TSPEAR: variants seen among roughly 807,000 people sequenced by gnomAD.
The protein encoded by TSPEAR is thrombospondin type laminin G domain and EAR repeats.
A neutral mutation model predicts 71.6 loss-of-function variants in TSPEAR; 69 were observed. That is an observed-to-expected ratio of 0.96 (90% CI 0.79 to 1.18). The LOEUF (loss-of-function observed/expected upper bound fraction) is 1.18. TSPEAR is among the 50% of genes most tolerant of loss of function. The probability of loss-of-function intolerance (pLI) is 0.00; values close to 1 mark genes in which losing one functional copy is unlikely to be tolerated. For missense variants in TSPEAR, 971 were observed against 894.9 expected, an observed-to-expected ratio of 1.09 and a Z score of -1.09; for synonymous variants, 402 against 387.2, an observed-to-expected ratio of 1.04 and a Z score of -0.45.
rs1026357609 is a variant in TSPEAR, at chr21:44,661,857, C to T, written c.82+49576G>A. Among the ~76,000 whole-genome samples, 5 of 152,170 alleles carry T rather than the reference C, an allele frequency of 3.3e-5. No individual in the cohort carries two copies. The East Asian group carries it at 9.7e-4, about 29-fold the overall frequency. ...CGCAAGGACAGCACCAAGGGGATGA[C>T]GCTTAACCATTCATGAGAAATCCAC... On this transcript the variant is annotated intron_variant, in intron 1 of 11. Transcript: ENST00000323084.
At chr21:44,643,867 T>C (rs1984155337) in intron 1 of TSPEAR, among the ~76,000 whole-genome samples, 1 of 152,232 alleles carries the variant, frequency 6.6e-6, no homozygotes, top group South Asian at 2.1e-4. Context: ...CGGGAAGCAT[T>C]TCTGTTAACT....
chr21:44,547,912 C>A (rs984542052), intron 2 of TSPEAR, among the ~76,000 whole-genome samples: 1 of 152,228 alleles, frequency 6.6e-6, no homozygotes. Flanking sequence ...GGTGCCCCAT[C>A]ATGGGCATGC....
At chr21:44,698,697 A>G (rs1987505404) in intron 1 of TSPEAR, among the ~76,000 whole-genome samples, 1 of 152,200 alleles carries the variant, frequency 6.6e-6, no homozygotes, top group Non-Finnish European at 1.5e-5. Flanking sequence ...CAGTCCTCAC[A>G]GGGAGATTCA....
At chr21:44,594,822 ATT>A (rs34221889) in intron 1 of TSPEAR, among the ~76,000 whole-genome samples, 20 of 125,484 alleles carry the variant, frequency 1.6e-4, no homozygotes, top group African/African-American at 4.1e-4. Flanking sequence ...CGGATCTGTG[ATT>A]TTTTTTTTTT....
chr21:44,525,864 C>T (rs781947064), intron 7 of TSPEAR, 25 bp from the exon 8 acceptor site: 42 of 1,612,752 alleles, frequency 2.6e-5, no homozygotes, highest in East Asian at 2.0e-4. Context: ...ACCGGGACCA[C>T]GTGGTTCTGC....
rs549960063 is a variant in TSPEAR, at chr21:44,686,126, G to A, written c.82+25307C>T. Among the ~76,000 whole-genome samples the A allele has an allele frequency of 2.6e-5, 4 of 152,200 alleles. No homozygotes were observed. The South Asian group carries it at 8.3e-4, about 32-fold the overall frequency. Reference sequence around the variant, plus strand: ...AGCTCCAGATGGCATTTGCAACAGGGGGACCTTGAACATCCATGAGGTGGA... The same window carrying A: ...AGCTCCAGATGGCATTTGCAACAGGAGGACCTTGAACATCCATGAGGTGGA... On this transcript the variant is annotated intron_variant, in intron 1 of 11. Coordinates refer to ENST00000323084, the MANE Select transcript of TSPEAR (RefSeq NM_144991.3).
At position 44,711,455 on chromosome 21, in the gene TSPEAR, C is replaced by A. The variant is rs373680904; in HGVS notation, c.60G>T (p.Thr20=). ...VLPLAAPGHG[T]QGWEPCTDLR... Reference sequence around the variant, plus strand: ...TACCTGTGCAGGGCTCCCAACCCTGCGTGCCGTGGCCGGGGGCCGCCAGGG... The same window carrying A: ...TACCTGTGCAGGGCTCCCAACCCTGAGTGCCGTGGCCGGGGGCCGCCAGGG... The change falls in exon 1 of 12, where the codon ACG becomes ACT. Residue 20 remains threonine, a synonymous_variant. Coordinates refer to ENST00000323084, the MANE Select transcript of TSPEAR (RefSeq NM_144991.3). This position sits in a 1 kb window ranked among gnomAD's most constrained non-coding sequence, Gnocchi z 4.5. 24 of 1,609,772 alleles carry A rather than the reference C, an allele frequency of 1.5e-5. No homozygotes were observed. The highest frequency in any genetic ancestry group is 1.9e-5 in the Non-Finnish European group (22 of 1,178,552).
intron 1 of TSPEAR, chr21:44,657,936 C>A (rs114984685): frequency 2.0e-5 from 31 of 1,584,354 alleles, no homozygotes; most frequent in South Asian, 1.3e-4. Flanking sequence ...AGCTTCCAGA[C>A]ATCACCATCC....
chr21:44,574,377 T>C, intron 1 of TSPEAR: 3 of 1,612,184 alleles, frequency 1.9e-6, no homozygotes, highest in Non-Finnish European at 2.5e-6. Flanking sequence ...CTGCACGCCC[T>C]CGTGCTGCCA....
chr21:44,627,668 C>T (rs1555934772), intron 1 of TSPEAR: 2 of 1,613,884 alleles, frequency 1.2e-6, no homozygotes, highest in South Asian at 1.1e-5. Flanking sequence ...TGCCAACAGT[C>T]TAGCTGCCAG....
chr21:44,598,544 A>G (rs1980523228), intron 1 of TSPEAR, among the ~76,000 whole-genome samples: 1 of 152,182 alleles, frequency 6.6e-6, no homozygotes, highest in South Asian at 2.1e-4. Context: ...AGTTTTTACT[A>G]TCTCTTCCGT....
chr21:44,669,420 C>CA (rs587628686), intron 1 of TSPEAR, among the ~76,000 whole-genome samples: 35 of 151,950 alleles, frequency 2.3e-4, no homozygotes, highest in African/African-American at 7.0e-4. Flanking sequence ...GACTCCATCT[C>CA]AAAAAAAATT....
intron 1 of TSPEAR, among the ~76,000 whole-genome samples, chr21:44,693,715 T>C (rs147678018): frequency 0.013 from 1,981 of 151,338 alleles, 55 homozygotes; most frequent in African/African-American, 0.046. Context: ...CCTCATACTT[T>C]ACCAGTGGGA....
chr21:44,681,673 C>T, intron 1 of TSPEAR: 1 of 1,004,520 alleles, frequency 1.0e-6, no homozygotes. Flanking sequence ...TCAGCCAGGG[C>T]TCCAGATCAT....
chr21:44,620,546 A>G (rs985030294), intron 1 of TSPEAR, among the ~76,000 whole-genome samples: 2 of 151,316 alleles, frequency 1.3e-5, no homozygotes, highest in Non-Finnish European at 3.0e-5. Context: ...GATTTTAGTT[A>G]TTTGAATCTG....
Position 44,539,331 on chromosome 21 carries a change from G to C in TSPEAR, c.304-5408C>G, listed in dbSNP as rs376945481. On this transcript the variant is annotated intron_variant, in intron 2 of 11. Transcript: ENST00000323084. ...CAGGCCGGGCGGGAGCACGCGGGGC[G>C]GCAGAGGAGGGACACGCAGGAGGCC... The C allele has an allele frequency of 6.6e-5, 106 of 1,611,744 alleles. 1 individual carries two copies. In the East Asian group the frequency reaches 2.3e-3, roughly 35 times the overall value.
chr21:44,685,026 A>G (rs1472377298), intron 1 of TSPEAR, among the ~76,000 whole-genome samples: 3 of 152,144 alleles, frequency 2.0e-5, no homozygotes, highest in East Asian at 1.9e-4. Context: ...TCACTCTCAC[A>G]TGGCCACAGA....
At chr21:44,525,414 G>C (rs1403332362) in intron 8 of TSPEAR, among the ~76,000 whole-genome samples, 1 of 152,200 alleles carries the variant, frequency 6.6e-6, no homozygotes, top group Non-Finnish European at 1.5e-5. Flanking sequence ...CAGGTATTCT[G>C]TGCTGGGAGT....
Position 44,498,593 on chromosome 21 carries a change from G to A in TSPEAR, c.*1190C>T, listed in dbSNP as rs1555910761. 6.6e-6 allele frequency: 1 copy of A among 152,286 alleles called. No homozygotes were observed. Among genetic ancestry groups the A allele is most frequent in the Non-Finnish European group, 1.5e-5 (1 of 68,056 alleles). 9.4% of individuals were successfully genotyped at this position (152,286 alleles called of 1,614,324 possible). On this transcript the variant is annotated 3_prime_UTR_variant, in exon 12 of 12. Transcript: ENST00000323084. The stretch of plus-strand genomic sequence containing the variant: ...CTTCCATTTCATTACGAAAGGTCAG[G>A]AGTGCTCTCTGAGCTGAAGGTGAAC...
Sources: allele counts gnomAD v4.1 joint callset (sites outside exome capture counted in the v4.1 genomes callset), GRCh38; gene constraint gnomAD v4.1.1; non-coding constraint Gnocchi (gnomAD v3.1); transcripts MANE v1.5; gene names NCBI Gene and HGNC (gene_info 2026-07-23, HGNC 2026-07-21).